TRIM26: variants seen among roughly 807,000 people sequenced by gnomAD.
The protein encoded by TRIM26 is tripartite motif-containing protein 26.
A neutral mutation model predicts 45.5 loss-of-function variants in TRIM26; 16 were observed. That is an observed-to-expected ratio of 0.35 (90% confidence interval 0.24 to 0.53). The LOEUF (loss-of-function observed/expected upper bound fraction) is 0.53, where lower values mean the gene tolerates loss of function less well. Among genes scored for constraint, TRIM26 ranks in the 20% least tolerant of loss-of-function variants. The pLI, the probability that TRIM26 is intolerant of heterozygous loss-of-function variation, is 0.92. For missense variants in TRIM26, 442 were observed against 691.1 expected (o/e 0.64, Z 4.04); for synonymous variants, 273 against 290.4 (o/e 0.94, Z 0.61).
In TRIM26 at chr6:30,207,831, T is replaced by C. The variant is rs1777874160; in HGVS notation, c.-375-3066A>G. Among the ~76,000 whole-genome samples, 1 of 152,202 alleles carries C rather than the reference T, an allele frequency of 6.6e-6. No individual in the cohort carries two copies. On this transcript the variant is annotated intron_variant, in intron 1 of 9. Transcript: ENST00000454678. This position sits in a 1 kb window ranked among gnomAD's most constrained non-coding sequence, Gnocchi z 4.9. ...TTCCTTCTGCCTAGAACACCATCCC[T>C]TTCCCACTTAGCAAATGCCTTTTCT...
Position 30,185,540 on chromosome 6 carries a change from G to A in TRIM26, c.*336C>T. 2.8e-6 allele frequency: 1 copy of A among 355,740 alleles called. No individual in the cohort carries two copies. Among genetic ancestry groups the A allele is most frequent in the Non-Finnish European group, 5.0e-6 (1 of 198,358 alleles). 22.0% of individuals were successfully genotyped at this position (355,740 alleles called of 1,614,324 possible). ...TTTTTCTGAGGTCTTGCCACACTGG[G>A]CAAGAAAATGCTGCATCGGGCCCTT... On this transcript the variant is annotated 3_prime_UTR_variant, in exon 10 of 10. Coordinates refer to ENST00000454678, the MANE Select transcript of TRIM26 (RefSeq NM_003449.5). The surrounding 1 kb of genome is among the most constrained non-coding windows in gnomAD (Gnocchi z 5.7).
At chr6:30,211,941 T>C (rs1259747885) in intron 1 of TRIM26, among the ~76,000 whole-genome samples, 1 of 152,188 alleles carries the variant, frequency 6.6e-6, no homozygotes, top group Non-Finnish European at 1.5e-5. Context: ...AATATAACTC[T>C]TGGCTCCCTA....
rs760494598 is a variant in TRIM26, at chr6:30,185,847, G to A, written c.*29C>T. The A allele has an allele frequency of 6.3e-7, 1 of 1,588,546 alleles. No individual in the cohort carries two copies. Among genetic ancestry groups the A allele is most frequent in the Non-Finnish European group, 8.6e-7 (1 of 1,166,072 alleles). On this transcript the variant is annotated 3_prime_UTR_variant, in exon 10 of 10. Transcript: ENST00000454678. This position sits in a 1 kb window ranked among gnomAD's most constrained non-coding sequence, Gnocchi z 5.7. Reference sequence around the variant, plus strand: ...AATTCCAAAGAAGTGAAGCATCTGAGGGTTGGGGCTGGGGGCAGATGTCAG... The same window carrying A: ...AATTCCAAAGAAGTGAAGCATCTGAAGGTTGGGGCTGGGGGCAGATGTCAG...
Position 30,190,493 on chromosome 6 carries a change from T to C in TRIM26, c.766-458A>G, listed in dbSNP as rs894585010. 2 of 168,654 alleles carry C rather than the reference T, an allele frequency of 1.2e-5. No individual in the cohort carries two copies. The highest frequency in any genetic ancestry group is 4.7e-5 in the African/African-American group (2 of 42,144). 10.4% of individuals were successfully genotyped at this position (168,654 alleles called of 1,614,324 possible). On this transcript the variant is annotated intron_variant, in intron 6 of 9. Coordinates refer to ENST00000454678, the MANE Select transcript of TRIM26 (RefSeq NM_003449.5). The surrounding 1 kb of genome is among the most constrained non-coding windows in gnomAD (Gnocchi z 4.3). ...GATCCGCTCTACATGTGGCTGAGAC[T>C]GCTGTGTAACCTCCAGAGTCCACTC...
chr6:30,194,921 C>A (rs1464901038), intron 6 of TRIM26, among the ~76,000 whole-genome samples: 1 of 152,074 alleles, frequency 6.6e-6, no homozygotes, highest in Non-Finnish European at 1.5e-5. Context: ...AAAACCTCTA[C>A]ATCCCATAAA....
intron 9 of TRIM26, chr6:30,188,353 C>T: frequency 2.5e-6 from 1 of 399,500 alleles, no homozygotes; most frequent in Non-Finnish European, 4.6e-6. Flanking sequence ...AGTTTCAAAA[C>T]TACCAGCCTG....
intron 6 of TRIM26, among the ~76,000 whole-genome samples, chr6:30,195,452 C>A (rs1776362573): frequency 6.6e-6 from 1 of 152,148 alleles, no homozygotes; most frequent in African/African-American, 2.4e-5. Context: ...TGACCTGACA[C>A]CCACCCCATG....
intron 5 of TRIM26, among the ~76,000 whole-genome samples, chr6:30,197,008 T>A (rs1197420169): frequency 6.6e-6 from 1 of 152,176 alleles, no homozygotes; most frequent in Non-Finnish European, 1.5e-5. Flanking sequence ...CACAATCTGT[T>A]CTAGCTAAAC....
In TRIM26 at chr6:30,193,130, ACATATATGTGTGTG is replaced by A. The variant is rs1406763588; in HGVS notation, c.766-3109_766-3096del. ...TACATATATATGTGTATATATATATACATATATGTGTGTGTGTGTGTGTGTGTGTGTGTATATAT... is the reference window on the plus strand; with the variant it reads ...TACATATATATGTGTATATATATATATGTGTGTGTGTGTGTGTGTATATAT... On this transcript the variant is annotated intron_variant, in intron 6 of 9. Transcript: ENST00000454678. Among the ~76,000 whole-genome samples, 40 of 63,644 alleles carry A rather than the reference ACATATATGTGTGTG, an allele frequency of 6.3e-4. 1 individual carries two copies. Among genetic ancestry groups the A allele is most frequent in the Non-Finnish European group, 9.8e-4 (33 of 33,696 alleles). 41.8% of individuals were successfully genotyped at this position (63,644 alleles called of 152,430 possible). A position where few individuals can be genotyped will look rare whatever the true frequency, so the allele number is the denominator to read the frequency against.
chr6:30,200,926 CACAA>C (rs1426659544), intron 3 of TRIM26, 105 bp downstream of exon 3: 1 of 152,186 alleles, frequency 6.6e-6, no homozygotes, highest in African/African-American at 2.4e-5. Flanking sequence ...GTGTCCAAAC[CACAA>C]ACAAAGAGTT....
In TRIM26 at chr6:30,198,103, C is replaced by A. The variant is rs1210182091; in HGVS notation, c.534+326G>T. ...TCTCTCTTTGAAAGGAAGAATGAAGCCACACCTTCTTCAGTCCCCTGGCAG... is the reference window on the plus strand; with the variant it reads ...TCTCTCTTTGAAAGGAAGAATGAAGACACACCTTCTTCAGTCCCCTGGCAG... On this transcript the variant is annotated intron_variant, in intron 5 of 9. Coordinates refer to ENST00000454678, the MANE Select transcript of TRIM26 (RefSeq NM_003449.5). The surrounding 1 kb of genome is among the most constrained non-coding windows in gnomAD (Gnocchi z 6.3). 6.6e-6 allele frequency among the ~76,000 whole-genome samples: 1 copy of A among 152,186 alleles called. No individual in the cohort carries two copies. The highest frequency in any genetic ancestry group is 1.5e-5 in the Non-Finnish European group (1 of 68,036).
intron 2 of TRIM26, among the ~76,000 whole-genome samples, 191 bp from the exon 3 acceptor site, chr6:30,201,329 A>G (rs1777147756): frequency 6.6e-6 from 1 of 152,234 alleles, no homozygotes; most frequent in South Asian, 2.1e-4. Flanking sequence ...TAATACATAA[A>G]AAGTGTTTTA....
chr6:30,209,910 CA>C lies in TRIM26; in HGVS notation c.-376+3394del, dbSNP rs1000608957. 2.0e-5 allele frequency among the ~76,000 whole-genome samples: 3 copies of C among 151,870 alleles called. No individual in the cohort carries two copies. Among genetic ancestry groups the C allele is most frequent in the African/African-American group, 7.3e-5 (3 of 41,362 alleles). On this transcript the variant is annotated intron_variant, in intron 1 of 9. Coordinates refer to ENST00000454678, the MANE Select transcript of TRIM26 (RefSeq NM_003449.5). The surrounding 1 kb of genome is among the most constrained non-coding windows in gnomAD (Gnocchi z 4.8). ...CAAAAAAACTCCTACTAGCTGAGGT[CA>C]AAACTGCACAGGTGGCCGGGCACGG...
At chr6:30,195,969 G>A (rs1776419568) in intron 6 of TRIM26, among the ~76,000 whole-genome samples, 1 of 152,150 alleles carries the variant, frequency 6.6e-6, no homozygotes, top group Admixed American at 6.5e-5. Context: ...CCCTCCTCTA[G>A]GAGGTGCCCC....
intron 1 of TRIM26, among the ~76,000 whole-genome samples, chr6:30,206,119 T>A (rs1367906221): frequency 6.6e-6 from 1 of 152,228 alleles, no homozygotes; most frequent in Non-Finnish European, 1.5e-5. Context: ...ATCCCCATAT[T>A]TTAATCTGAG....
chr6:30,194,083 T>G (rs1438933886), intron 6 of TRIM26, among the ~76,000 whole-genome samples: 1 of 152,214 alleles, frequency 6.6e-6, no homozygotes, highest in African/African-American at 2.4e-5. Context: ...ATCTCATTAC[T>G]AGGTATTTAT....
intron 6 of TRIM26, among the ~76,000 whole-genome samples, chr6:30,192,278 G>T (rs2284165): frequency 6.6e-6 from 1 of 152,172 alleles, no homozygotes; most frequent in South Asian, 2.1e-4. Flanking sequence ...CGGTTACTAA[G>T]AGAGAGCATC....
At chr6:30,206,764 C>A (rs1437274692) in intron 1 of TRIM26, among the ~76,000 whole-genome samples, 1 of 152,204 alleles carries the variant, frequency 6.6e-6, no homozygotes, top group Non-Finnish European at 1.5e-5. Flanking sequence ...AGAGGTGGCC[C>A]AGGCTCTGGT....
intron 9 of TRIM26, chr6:30,187,754 C>T (rs944536910): frequency 5.6e-6 from 1 of 178,628 alleles, no homozygotes; most frequent in Non-Finnish European, 1.2e-5. Flanking sequence ...CCCATCTCTA[C>T]TAAAAATACA....
Sources: gnomAD v4.1 joint callset for allele counts (sites outside exome capture counted in the v4.1 genomes callset) on GRCh38, gnomAD v4.1.1 for gene constraint, Gnocchi (gnomAD v3.1) non-coding constraint, MANE v1.5 for transcripts, NCBI Gene and HGNC (gene_info 2026-07-23, HGNC 2026-07-21) for gene names.